SNRNP25: variants seen among roughly 807,000 people sequenced by gnomAD.
The protein encoded by SNRNP25 is small nuclear ribonucleoprotein U11/U12 subunit 25.
Under a neutral mutation model 23.9 loss-of-function variants are expected in SNRNP25, and 21 were observed. That is an observed-to-expected ratio of 0.88 (90% CI 0.62 to 1.27). The LOEUF (loss-of-function observed/expected upper bound fraction) is 1.27, where lower values mean the gene tolerates loss of function less well. SNRNP25 is among the 50% of genes most tolerant of loss of function. SNRNP25 has a pLI of 0.00. For missense variants in SNRNP25, 160 were observed against 156.9 expected (o/e 1.02, Z -0.11); for synonymous variants, 63 against 60.4 (o/e 1.04, Z -0.20).
In SNRNP25 at chr16:57,317, G is replaced by A. The variant is rs1209075105; in HGVS notation, c.*174G>A. The A allele has an allele frequency of 4.5e-6, 3 of 664,296 alleles. No homozygotes were observed. In the East Asian group the frequency reaches 8.1e-5, roughly 18 times the overall value. 41.2% of individuals were successfully genotyped at this position (664,296 alleles called of 1,614,324 possible). On this transcript the variant is annotated 3_prime_UTR_variant, in exon 5 of 5. Transcript: ENST00000293861. ...CTGGGGGCCCTCAGGACTAGGACAG[G>A]GTGAGCCAGTGCTCCCTCCTTTCAT...
Position 55,551 on chromosome 16 carries a change from T to C in SNRNP25, c.133+2T>C. On this transcript the variant is annotated splice_donor_variant, in intron 2 of 4. Transcript: ENST00000293861. LOFTEE classifies it high-confidence loss of function. ...GCAAGATGGATGGAGAAGTAATGCG[T>C]AAGTGCTACCCTCCTCCCTTCAGGT... 1 of 1,613,942 alleles carries C rather than the reference T, an allele frequency of 6.2e-7. No individual in the cohort carries two copies. Among genetic ancestry groups the C allele is most frequent in the Non-Finnish European group, 8.5e-7 (1 of 1,179,878 alleles).
chr16:56,967 C>A, intron 4 of SNRNP25, 119 bp from the exon 5 acceptor site: 1 of 1,161,966 alleles, frequency 8.6e-7, no homozygotes, highest in Non-Finnish European at 1.3e-6. Context: ...TCCTGGCCTT[C>A]CCAGAAGCCA....
intron 3 of SNRNP25, 162 bp downstream of exon 3, chr16:56,044 C>T: frequency 2.8e-6 from 2 of 704,288 alleles, no homozygotes; most frequent in Non-Finnish European, 4.8e-6. Context: ...CTCCCTGTCA[C>T]AGACAGTGCG....
At chr16:55,650 C>G (rs1375611936) in intron 2 of SNRNP25, 101 bp downstream of exon 2, 3 of 1,540,058 alleles carry the variant, frequency 1.9e-6, no homozygotes, top group Non-Finnish European at 2.7e-6. Flanking sequence ...ACAGGCCATG[C>G]CCAGGGGTAC....
intron 4 of SNRNP25, 94 bp downstream of exon 4, chr16:56,707 G>A (rs540646223): frequency 4.8e-5 from 64 of 1,346,938 alleles, no homozygotes; most frequent in Non-Finnish European, 6.1e-5. Context: ...CTCCCTCTCC[G>A]GAGATAACAC....
rs1027502512 is a variant in SNRNP25, at chr16:53,885, G to T, written c.-132G>T. ...AGTGCGGGCTGGCAGTGCGGGCAGA[G>T]CCCGGCTGAGAGGGGCGGCCCTGGA... On this transcript the variant is annotated 5_prime_UTR_variant, in exon 1 of 5. Coordinates refer to ENST00000293861, the MANE Select transcript of SNRNP25 (RefSeq NM_024571.4). 9 of 1,499,542 alleles carry T rather than the reference G, an allele frequency of 6.0e-6. No individual in the cohort carries two copies. Among genetic ancestry groups the T allele is most frequent in the Non-Finnish European group, 6.3e-6 (7 of 1,108,082 alleles). 92.9% of individuals were successfully genotyped at this position (1,499,542 alleles called of 1,614,324 possible).
chr16:54,761 G>T (rs1485878392), intron 1 of SNRNP25, among the ~76,000 whole-genome samples: 1 of 152,066 alleles, frequency 6.6e-6, no homozygotes, highest in African/African-American at 2.4e-5. Flanking sequence ...TCCGTTGCCA[G>T]GCTGGAGTGT....
Position 55,870 on chromosome 16 carries a change from A to T in SNRNP25, c.227A>T (p.Gln76Leu). 6.2e-7 allele frequency: 1 copy of T among 1,614,016 alleles called. No individual in the cohort carries two copies. The highest frequency in any genetic ancestry group is 8.5e-7 in the Non-Finnish European group (1 of 1,179,946). ...AAGCAGGAGCGTGAAGGGGGCATTCAGCACATCAGCTGGTAAGTGGAACAA... is the reference window on the plus strand; with the variant it reads ...AAGCAGGAGCGTGAAGGGGGCATTCTGCACATCAGCTGGTAAGTGGAACAA... ...QLKQEREGGI[Q>L]HISWSYVWRT... Residue 76 changes from glutamine (Q) to leucine (L), a missense_variant, in exon 3 of 5, where the codon CAG becomes CTG. Coordinates refer to ENST00000293861, the MANE Select transcript of SNRNP25 (RefSeq NM_024571.4).
In SNRNP25 at chr16:57,217, T is replaced by C. The variant is rs1897425220; in HGVS notation, c.*74T>C. 6.7e-7 allele frequency: 1 copy of C among 1,488,972 alleles called. No individual in the cohort carries two copies. Among genetic ancestry groups the C allele is most frequent in the African/African-American group, 1.4e-5 (1 of 71,814 alleles). 92.2% of individuals were successfully genotyped at this position (1,488,972 alleles called of 1,614,324 possible). The stretch of plus-strand genomic sequence containing the variant: ...CCAGCAGGAATGGGTCCTCGAATCA[T>C]CGTGCCTCTTTCACAGAAAGGACGT... On this transcript the variant is annotated 3_prime_UTR_variant, in exon 5 of 5. Transcript: ENST00000293861.
chr16:57,057 G>A, intron 4 of SNRNP25, 29 bp from the exon 5 acceptor site: 2 of 1,613,736 alleles, frequency 1.2e-6, no homozygotes, highest in Non-Finnish European at 1.7e-6. Flanking sequence ...CTGTAGGGCA[G>A]GTGCTTTATG....
Position 53,940 on chromosome 16 carries a change from C to G in SNRNP25, c.-77C>G. 2 of 1,574,686 alleles carry G rather than the reference C, an allele frequency of 1.3e-6. No individual in the cohort carries two copies. The highest frequency in any genetic ancestry group is 1.7e-6 in the Non-Finnish European group (2 of 1,161,000). On this transcript the variant is annotated 5_prime_UTR_variant, in exon 1 of 5. Transcript: ENST00000293861. ...ACGGAGGCCGCGGGTGGGCCCGAGG[C>G]GCAAGAGGAAGATGAGGACGAAGAA... is the stretch of plus-strand genomic sequence containing the variant.
rs937812382 is a variant in SNRNP25, at chr16:54,675, C to T, written c.42+617C>T. On this transcript the variant is annotated intron_variant, in intron 1 of 4. Transcript: ENST00000293861. Reference sequence around the variant, plus strand: ...TTTGCCTCAAGCGTCAATCATGTGTCAAAGCGTCAGTATCATGCTTTGGGA... The same window carrying T: ...TTTGCCTCAAGCGTCAATCATGTGTTAAAGCGTCAGTATCATGCTTTGGGA... Among the ~76,000 whole-genome samples, 122 of 152,118 alleles carry T rather than the reference C, an allele frequency of 8.0e-4. 1 individual carries two copies. Among genetic ancestry groups the T allele is most frequent in the African/African-American group, 2.6e-3 (108 of 41,412 alleles).
At chr16:55,673 A>G in intron 2 of SNRNP25, 104 bp from the exon 3 acceptor site, 1 of 1,537,108 alleles carries the variant, frequency 6.5e-7, no homozygotes, top group Admixed American at 1.8e-5. Context: ...GGGCAACCAC[A>G]AACCTGCCCT....
chr16:57,399 A>T lies in SNRNP25; in HGVS notation c.*256A>T, dbSNP rs1481362931. On this transcript the variant is annotated 3_prime_UTR_variant, in exon 5 of 5. Transcript: ENST00000293861. ...TCCAAATGCCCTAGTCACATGGCAGACCCACGGCCTGGCCCACTGTATAAA... is the reference window on the plus strand; with the variant it reads ...TCCAAATGCCCTAGTCACATGGCAGTCCCACGGCCTGGCCCACTGTATAAA... The T allele has an allele frequency of 1.8e-6, 1 of 560,634 alleles. No individual in the cohort carries two copies. The highest frequency in any genetic ancestry group is 1.9e-5 in the African/African-American group (1 of 53,374). The allele number at this position is 560,634 out of a possible 1,614,324, so 34.7% of individuals were successfully genotyped here. A position where few individuals can be genotyped will look rare whatever the true frequency, so the allele number is the denominator to read the frequency against.
Position 55,908 on chromosome 16 carries a change from T to G in SNRNP25, c.239+26T>G, listed in dbSNP as rs372372102. 5 of 1,603,382 alleles carry G rather than the reference T, an allele frequency of 3.1e-6. 1 individual carries two copies. The African/African-American group carries it at 6.7e-5, about 21-fold the overall frequency. Reference sequence around the variant, plus strand: ...GTAAGTGGAACAACATTCCCTTCATTATAGCCCTTCGTGGGGCTAGTGCCC... The same window carrying G: ...GTAAGTGGAACAACATTCCCTTCATGATAGCCCTTCGTGGGGCTAGTGCCC... On this transcript the variant is annotated intron_variant, in intron 3 of 4. Transcript: ENST00000293861.
Position 53,988 on chromosome 16 carries a change from C to A in SNRNP25, c.-29C>A, listed in dbSNP as rs747663868. ...GAAGAGGCGCTGCCGCACTCCGAGG[C>A]CATGGACGTGTTCCAGGAGGGTCTG... On this transcript the variant is annotated 5_prime_UTR_variant, in exon 1 of 5. Coordinates refer to ENST00000293861, the MANE Select transcript of SNRNP25 (RefSeq NM_024571.4). 3.1e-6 allele frequency: 5 copies of A among 1,608,766 alleles called. No individual in the cohort carries two copies. Among genetic ancestry groups the A allele is most frequent in the African/African-American group, 1.3e-5 (1 of 74,898 alleles).
rs762979091 is a variant in SNRNP25 at position 57,117 on chromosome 16, T to G, written c.346T>G (p.Phe116Val). 1 of 1,614,068 alleles carries G rather than the reference T, an allele frequency of 6.2e-7. No homozygotes were observed. Among genetic ancestry groups the G allele is most frequent in the South Asian group, 1.1e-5 (1 of 91,086 alleles). ...CATCCGGAATCGAGACGAGGTTTCC[T>G]TCATCAAAAAGCTGAGGCAAAAGTG... The part of the protein sequence containing the change: ...YGIRNRDEVS[F>V]IKKLRQK The change falls in exon 5 of 5, where the codon TTC (phenylalanine) becomes GTC (valine). Residue 116 changes from phenylalanine to valine, a missense_variant. By Grantham distance (50) the Phe-to-Val change is conservative (BLOSUM62 -1). Coordinates refer to ENST00000293861, the MANE Select transcript of SNRNP25 (RefSeq NM_024571.4).
At chr16:56,672 C>T in intron 4 of SNRNP25, 59 bp downstream of exon 4, 1 of 1,575,826 alleles carries the variant, frequency 6.3e-7, no homozygotes, top group Admixed American at 1.7e-5. Context: ...CCCTTAGTCC[C>T]CCATGCTCTG....
chr16:55,555 T>A lies in SNRNP25; in HGVS notation c.133+6T>A. On this transcript the variant is annotated splice_donor_region_variant and intron_variant, in intron 2 of 4. Transcript: ENST00000293861. ...GATGGATGGAGAAGTAATGCGTAAG[T>A]GCTACCCTCCTCCCTTCAGGTTATG... 6.2e-7 allele frequency: 1 copy of A among 1,613,834 alleles called. No individual in the cohort carries two copies. Among genetic ancestry groups the A allele is most frequent in the East Asian group, 2.2e-5 (1 of 44,876 alleles).
Sources: allele counts gnomAD v4.1 joint callset (sites outside exome capture counted in the v4.1 genomes callset), GRCh38; gene constraint gnomAD v4.1.1; transcripts MANE v1.5; gene names NCBI Gene and HGNC (gene_info 2026-07-23, HGNC 2026-07-21).